RAP1GDS1: variants seen among roughly 807,000 people sequenced by gnomAD.
RAP1GDS1 encodes the protein RAP1, GTP-GDP dissociation stimulator 1.
In RAP1GDS1, 35 loss-of-function variants were observed where a neutral mutation model predicts 71.1. The ratio of observed to expected loss-of-function variants is 0.49; its 90% CI spans 0.38 to 0.65. The LOEUF is 0.65. Among genes scored for constraint, RAP1GDS1 ranks in the 30% least tolerant of loss-of-function variants. RAP1GDS1 has a pLI of 0.00. For synonymous variants in RAP1GDS1, 229 were observed against 243.1 expected, an observed-to-expected ratio of 0.94 and a Z score of 0.54; for missense variants, 663 against 706.1, an observed-to-expected ratio of 0.94 and a Z score of 0.69.
intron 2 of RAP1GDS1, among the ~76,000 whole-genome samples, chr4:98,306,709 A>G (rs961988685): frequency 2.6e-5 from 4 of 152,350 alleles, no homozygotes; most frequent in African/African-American, 9.6e-5. Flanking sequence ...TAGATTAGAT[A>G]AATGTGTTTT....
chr4:98,416,756 C>T lies in RAP1GDS1; in HGVS notation c.775C>T (p.Leu259=). 6.2e-7 allele frequency: 1 copy of T among 1,603,250 alleles called. No homozygotes were observed. Among genetic ancestry groups the T allele is most frequent in the Non-Finnish European group, 8.5e-7 (1 of 1,171,054 alleles). The change falls in exon 8 of 15, where the codon CTA becomes TTA. Residue 259 remains leucine (L), a synonymous_variant. Coordinates refer to ENST00000408927, the MANE Select transcript of RAP1GDS1 (RefSeq NM_001100427.2). Reference sequence around the variant, plus strand: ...ACGTTGTTCTTTAGATGCTATTAAACTACAGCTGGTTGAAGCAGGCCTAGT... The same window carrying T: ...ACGTTGTTCTTTAGATGCTATTAAATTACAGCTGGTTGAAGCAGGCCTAGT... ...APLAENDAIK[L]QLVEAGLVEC...
rs918951796 is a variant in RAP1GDS1, at chr4:98,307,927, A to G, written c.112+14412A>G. Among the ~76,000 whole-genome samples, 4 of 152,120 alleles carry G rather than the reference A, an allele frequency of 2.6e-5. 1 individual carries two copies. In the South Asian group the frequency reaches 6.2e-4, roughly 24 times the overall value. ...TATTTTAGTTTCCGATACTGATGGTATGGCCCTTCTGATGTTTCACCATTA... is the reference window on the plus strand; with the variant it reads ...TATTTTAGTTTCCGATACTGATGGTGTGGCCCTTCTGATGTTTCACCATTA... On this transcript the variant is annotated intron_variant, in intron 2 of 14. Coordinates refer to ENST00000408927, the MANE Select transcript of RAP1GDS1 (RefSeq NM_001100427.2).
At chr4:98,328,257 A>G (rs1733432073) in intron 2 of RAP1GDS1, among the ~76,000 whole-genome samples, 1 of 152,190 alleles carries the variant, frequency 6.6e-6, no homozygotes, top group Non-Finnish European at 1.5e-5. Flanking sequence ...ATTCTTTCAA[A>G]CTACCAGCAG....
intron 1 of RAP1GDS1, among the ~76,000 whole-genome samples, chr4:98,279,593 A>G (rs1724754831): frequency 6.6e-6 from 1 of 151,946 alleles, no homozygotes; most frequent in South Asian, 2.1e-4. Context: ...TATATTTTTG[A>G]CATTATAAAA....
intron 2 of RAP1GDS1, among the ~76,000 whole-genome samples, chr4:98,299,401 TATC>T (rs938228433): frequency 2.0e-5 from 3 of 152,104 alleles, no homozygotes; most frequent in Admixed American, 6.6e-5. Flanking sequence ...AGCATGAAAA[TATC>T]AACATTAACA....
At chr4:98,295,936 C>T (rs1215708997) in intron 2 of RAP1GDS1, among the ~76,000 whole-genome samples, 1 of 151,886 alleles carries the variant, frequency 6.6e-6, no homozygotes, top group Non-Finnish European at 1.5e-5. Flanking sequence ...TACAGTTCTT[C>T]CTTGAATAAG....
chr4:98,379,383 G>C, intron 5 of RAP1GDS1: 1 of 438,488 alleles, frequency 2.3e-6, no homozygotes, highest in Non-Finnish European at 3.8e-6. Flanking sequence ...GTTTTGATCA[G>C]TATCAAAAAC....
chr4:98,413,216 TTAC>T (rs1472087449), intron 7 of RAP1GDS1, among the ~76,000 whole-genome samples: 2 of 127,730 alleles, frequency 1.6e-5, no homozygotes, highest in Admixed American at 7.2e-5. Flanking sequence ...CCCCAGGGTA[TTAC>T]TATTTTTTTT....
At chr4:98,363,478 C>CAAAA (rs34393905) in intron 4 of RAP1GDS1, among the ~76,000 whole-genome samples, 1 of 37,730 alleles carries the variant, frequency 2.7e-5, no homozygotes, top group Non-Finnish European at 5.5e-5. Flanking sequence ...GACCCTGTCT[C>CAAAA]AAAAAAAAAA....
At chr4:98,410,469 T>C (rs907654018) in intron 7 of RAP1GDS1, among the ~76,000 whole-genome samples, 2 of 152,126 alleles carry the variant, frequency 1.3e-5, no homozygotes, top group African/African-American at 4.8e-5. Context: ...AAGTAGTATC[T>C]ATTGAAGTTG....
chr4:98,287,584 AG>A (rs1726226281), intron 1 of RAP1GDS1, among the ~76,000 whole-genome samples: 1 of 152,228 alleles, frequency 6.6e-6, no homozygotes, highest in African/African-American at 2.4e-5. Flanking sequence ...TACATGTTAA[AG>A]TAATAAATTC....
chr4:98,407,337 C>A (rs1201835438), intron 7 of RAP1GDS1, among the ~76,000 whole-genome samples: 1 of 151,770 alleles, frequency 6.6e-6, no homozygotes, highest in Non-Finnish European at 1.5e-5. Flanking sequence ...AAGTAGTTAA[C>A]TGGAATAAAA....
chr4:98,295,389 T>G (rs1462050602), intron 2 of RAP1GDS1, among the ~76,000 whole-genome samples: 1 of 152,054 alleles, frequency 6.6e-6, no homozygotes, highest in Admixed American at 6.6e-5. Flanking sequence ...AATTTATAAA[T>G]GCCCTCAAGC....
intron 4 of RAP1GDS1, among the ~76,000 whole-genome samples, chr4:98,368,902 T>A (rs1739929859): frequency 6.6e-6 from 1 of 152,176 alleles, no homozygotes; most frequent in Admixed American, 6.6e-5. Flanking sequence ...GAATTTTTCA[T>A]TTTTACAGTT....
chr4:98,287,312 TTGA>T (rs1726188450), intron 1 of RAP1GDS1, among the ~76,000 whole-genome samples: 1 of 152,218 alleles, frequency 6.6e-6, no homozygotes, highest in Admixed American at 6.5e-5. Flanking sequence ...TACAAACTTA[TTGA>T]TGAAGTTTAA....
At chr4:98,353,134 A>T (rs10022073) in intron 4 of RAP1GDS1, among the ~76,000 whole-genome samples, 6,371 of 152,240 alleles carry the variant, frequency 0.042, 315 homozygotes, top group African/African-American at 0.12. Context: ...ATACTGTTCT[A>T]CTAGGCAAAA....
At chr4:98,308,331 A>ATATATATATATATC (rs1387647887) in intron 2 of RAP1GDS1, among the ~76,000 whole-genome samples, 1 of 137,424 alleles carries the variant, frequency 7.3e-6, no homozygotes, top group East Asian at 2.1e-4. Context: ...ATATATATAT[A>ATATATATATATATC]TGCGCCAGGC....
intron 9 of RAP1GDS1, 113 bp from the exon 10 acceptor site, chr4:98,418,544 T>C: frequency 1.0e-6 from 1 of 972,796 alleles, no homozygotes; most frequent in Non-Finnish European, 1.4e-6. Context: ...TTGGAATTCA[T>C]TTTATTGTAT....
chr4:98,428,160 C>T (rs1749883506), intron 12 of RAP1GDS1, among the ~76,000 whole-genome samples: 1 of 152,036 alleles, frequency 6.6e-6, no homozygotes, highest in African/African-American at 2.4e-5. Flanking sequence ...AAGAATAAAA[C>T]TGTTGCCTCA....
Sources: allele counts gnomAD v4.1 joint callset (sites outside exome capture counted in the v4.1 genomes callset), GRCh38; gene constraint gnomAD v4.1.1; transcripts MANE v1.5; gene names NCBI Gene and HGNC (gene_info 2026-07-23, HGNC 2026-07-21).